Variants in KIRREL3 observed in about 807,000 individuals in gnomAD.
KIRREL3 encodes kin of IRRE-like protein 3.
Under a neutral mutation model 89.7 loss-of-function variants are expected in KIRREL3, and 36 were observed. That is an observed-to-expected ratio of 0.40 (90% CI 0.31 to 0.53). The LOEUF (loss-of-function observed/expected upper bound fraction) is 0.53, where lower values mean the gene tolerates loss of function less well. Among genes scored for constraint, KIRREL3 ranks in the 20% least tolerant of loss-of-function variants. The pLI is 0.49. For missense variants in KIRREL3, 864 were observed against 1,056.6 expected (o/e 0.82, Z 2.53); for synonymous variants, 445 against 441.4 (o/e 1.01, Z -0.10).
intron 1 of KIRREL3, among the ~76,000 whole-genome samples, chr11:126,660,097 G>T (rs1050704243): frequency 6.6e-6 from 1 of 152,170 alleles, no homozygotes; most frequent in South Asian, 2.1e-4. Context: ...AGGATCTGGG[G>T]CAGACAGTGG....
chr11:126,929,979 G>A (rs1007863447), intron 1 of KIRREL3, among the ~76,000 whole-genome samples: 1 of 148,320 alleles, frequency 6.7e-6, no homozygotes, highest in Non-Finnish European at 1.5e-5. Context: ...CGATTCCCAA[G>A]TACACTTGAG....
intron 4 of KIRREL3, among the ~76,000 whole-genome samples, chr11:126,514,444 A>G (rs958721070): frequency 9.9e-5 from 15 of 152,112 alleles, no homozygotes; most frequent in African/African-American, 3.6e-4. Flanking sequence ...TGCTTGATAC[A>G]TGGGAAAGCT....
At chr11:126,938,645 T>A (rs551957863) in intron 1 of KIRREL3, among the ~76,000 whole-genome samples, 1 of 152,226 alleles carries the variant, frequency 6.6e-6, no homozygotes, top group South Asian at 2.1e-4. Flanking sequence ...GGAGTCAGGT[T>A]AGCTAGCCAA....
In KIRREL3 at chr11:126,594,523, C is replaced by A. The variant is rs1240951537; in HGVS notation, c.56-31611G>T. ...CTGTGTAACTTTAGAATTCCTTTAG[C>A]CTCGTTTTTCCTTCTTTCTTTCCAC... is the stretch of plus-strand genomic sequence containing the variant. On this transcript the variant is annotated intron_variant, in intron 1 of 16. Transcript: ENST00000525144. The surrounding 1 kb of genome is among the most constrained non-coding windows in gnomAD (Gnocchi z 5.0). 6.6e-6 allele frequency among the ~76,000 whole-genome samples: 1 copy of A among 152,148 alleles called. No homozygotes were observed. The highest frequency in any genetic ancestry group is 2.4e-5 in the African/African-American group (1 of 41,434).
Position 126,666,305 on chromosome 11 carries a change from C to T in KIRREL3, c.56-103393G>A, listed in dbSNP as rs938454812. Among the ~76,000 whole-genome samples, 8 of 152,274 alleles carry T rather than the reference C, an allele frequency of 5.3e-5. No individual in the cohort carries two copies. The highest frequency in any genetic ancestry group is 2.1e-4 in the South Asian group (1 of 4,822). ...GGGTTTTACCTCCTGTCCAGGCACC[C>T]GTTCCTCTTTCTGCAGGGATAAGAG... On this transcript the variant is annotated intron_variant, in intron 1 of 16. Coordinates refer to ENST00000525144, the MANE Select transcript of KIRREL3 (RefSeq NM_032531.4). This position sits in a 1 kb window ranked among gnomAD's most constrained non-coding sequence, Gnocchi z 4.2.
intron 1 of KIRREL3, among the ~76,000 whole-genome samples, chr11:126,595,738 G>A (rs1204138082): frequency 1.3e-5 from 2 of 152,266 alleles, no homozygotes; most frequent in African/African-American, 4.8e-5. Context: ...AGGCCACACC[G>A]CCCCCTTAGG....
chr11:126,831,595 A>AT (rs1845506944), intron 1 of KIRREL3, among the ~76,000 whole-genome samples: 2 of 152,308 alleles, frequency 1.3e-5, no homozygotes, highest in East Asian at 3.9e-4. Context: ...GAAGCAATAC[A>AT]TGGAAACCTC....
rs1304618753 is a variant in KIRREL3, at chr11:126,563,553, C to T, written c.56-641G>A. Reference sequence around the variant, plus strand: ...CCTATATCAAGGCCCAATTTAGCACCATCATCAAGCACTTATGAAATGTAG... The same window carrying T: ...CCTATATCAAGGCCCAATTTAGCACTATCATCAAGCACTTATGAAATGTAG... On this transcript the variant is annotated intron_variant, in intron 1 of 16. Transcript: ENST00000525144. The surrounding 1 kb of genome is among the most constrained non-coding windows in gnomAD (Gnocchi z 6.8). 6.6e-6 allele frequency among the ~76,000 whole-genome samples: 1 copy of T among 151,958 alleles called. No individual in the cohort carries two copies. Among genetic ancestry groups the T allele is most frequent in the African/African-American group, 2.4e-5 (1 of 41,288 alleles).
chr11:126,442,594 C>T (rs1462203731), intron 10 of KIRREL3, among the ~76,000 whole-genome samples: 2 of 152,180 alleles, frequency 1.3e-5, no homozygotes, highest in African/African-American at 4.8e-5. Flanking sequence ...AGCAGTTGTC[C>T]AAGGCTGGGA....
At chr11:126,625,451 A>G (rs1355445927) in intron 1 of KIRREL3, among the ~76,000 whole-genome samples, 1 of 152,212 alleles carries the variant, frequency 6.6e-6, no homozygotes, top group Non-Finnish European at 1.5e-5. Flanking sequence ...CAAATTCTGC[A>G]GACTGCCCAA....
chr11:126,488,553 T>G (rs1469686205), intron 4 of KIRREL3, among the ~76,000 whole-genome samples: 1 of 152,246 alleles, frequency 6.6e-6, no homozygotes, highest in Non-Finnish European at 1.5e-5. Context: ...GCTCCCCTGG[T>G]TAAGGCAGAG....
rs552235320 is a variant in KIRREL3, at chr11:126,704,583, G to A, written c.56-141671C>T. Among the ~76,000 whole-genome samples, 1 of 152,284 alleles carries A rather than the reference G, an allele frequency of 6.6e-6. No individual in the cohort carries two copies. Among genetic ancestry groups the A allele is most frequent in the Non-Finnish European group, 1.5e-5 (1 of 68,022 alleles). On this transcript the variant is annotated intron_variant, in intron 1 of 16. Coordinates refer to ENST00000525144, the MANE Select transcript of KIRREL3 (RefSeq NM_032531.4). This position sits in a 1 kb window ranked among gnomAD's most constrained non-coding sequence, Gnocchi z 4.2. Reference sequence around the variant, plus strand: ...ATTTGTGTTGTGTGTCCCTGTACACGTGCGTATTTGGCTCAGGCTGACTTT... The same window carrying A: ...ATTTGTGTTGTGTGTCCCTGTACACATGCGTATTTGGCTCAGGCTGACTTT...
intron 8 of KIRREL3, among the ~76,000 whole-genome samples, chr11:126,447,703 C>T (rs567775567): frequency 2.0e-5 from 3 of 152,166 alleles, no homozygotes; most frequent in Non-Finnish European, 2.9e-5. Flanking sequence ...GCTCAGGGTC[C>T]GACCGTGGCC....
At chr11:126,839,670 G>C (rs1392893295) in intron 1 of KIRREL3, among the ~76,000 whole-genome samples, 1 of 152,196 alleles carries the variant, frequency 6.6e-6, no homozygotes, top group African/African-American at 2.4e-5. Context: ...AGGCCATTGT[G>C]TGAAGGTCTT....
chr11:126,457,370 CGTGTAT>C (rs1454332390), intron 6 of KIRREL3, among the ~76,000 whole-genome samples: 1 of 149,688 alleles, frequency 6.7e-6, no homozygotes, highest in Non-Finnish European at 1.5e-5. Flanking sequence ...TGTGTGTATG[CGTGTAT>C]GTGTGTATGC....
intron 1 of KIRREL3, among the ~76,000 whole-genome samples, chr11:126,737,368 G>T (rs1221256524): frequency 6.6e-6 from 1 of 152,072 alleles, no homozygotes; most frequent in Non-Finnish European, 1.5e-5. Context: ...GCAGGGAGAG[G>T]GCGGAGGAGG....
At chr11:126,913,019 C>T (rs1019621761) in intron 1 of KIRREL3, among the ~76,000 whole-genome samples, 3 of 152,214 alleles carry the variant, frequency 2.0e-5, no homozygotes, top group African/African-American at 4.8e-5. Flanking sequence ...CACGTAGTTA[C>T]CAGAAGTGGC....
Position 126,607,749 on chromosome 11 carries a change from A to G in KIRREL3, c.56-44837T>C, listed in dbSNP as rs986096394. Among the ~76,000 whole-genome samples, 1 of 152,134 alleles carries G rather than the reference A, an allele frequency of 6.6e-6. No individual in the cohort carries two copies. Among genetic ancestry groups the G allele is most frequent in the Non-Finnish European group, 1.5e-5 (1 of 68,002 alleles). On this transcript the variant is annotated intron_variant, in intron 1 of 16. Coordinates refer to ENST00000525144, the MANE Select transcript of KIRREL3 (RefSeq NM_032531.4). This position sits in a 1 kb window ranked among gnomAD's most constrained non-coding sequence, Gnocchi z 6.6. Reference sequence around the variant, plus strand: ...CTGCAATTAGCCATTTTACAGATGGAGAAACTTAGTCCTAATGATTTGCTG... The same window carrying G: ...CTGCAATTAGCCATTTTACAGATGGGGAAACTTAGTCCTAATGATTTGCTG...
In KIRREL3 at chr11:126,628,484, T is replaced by G. The variant is rs2134871726; in HGVS notation, c.56-65572A>C. 6.6e-6 allele frequency among the ~76,000 whole-genome samples: 1 copy of G among 152,334 alleles called. No individual in the cohort carries two copies. The highest frequency in any genetic ancestry group is 6.5e-5 in the Admixed American group (1 of 15,304). On this transcript the variant is annotated intron_variant, in intron 1 of 16. Coordinates refer to ENST00000525144, the MANE Select transcript of KIRREL3 (RefSeq NM_032531.4). The surrounding 1 kb of genome is among the most constrained non-coding windows in gnomAD (Gnocchi z 5.2). ...ACATAGTAGGTGGTTAATGAATGTT[T>G]GCTGAGCAGGAAGAACAGTATATCC...
Sources: gnomAD v4.1 joint callset for allele counts (sites outside exome capture counted in the v4.1 genomes callset) on GRCh38, gnomAD v4.1.1 for gene constraint, Gnocchi (gnomAD v3.1) non-coding constraint, MANE v1.5 for transcripts, NCBI Gene and HGNC (gene_info 2026-07-23, HGNC 2026-07-21) for gene names.